Variants in GLRA3 observed in about 807,000 individuals in gnomAD.
GLRA3 encodes glycine receptor subunit alpha-3.
Under a neutral mutation model 60.4 loss-of-function variants are expected in GLRA3, and 44 were observed. That is an observed-to-expected ratio of 0.73 (90% confidence interval 0.57 to 0.94). The LOEUF is 0.94. GLRA3 is among the 40% of genes least tolerant of loss of function. The pLI, the probability that GLRA3 is intolerant of heterozygous loss-of-function variation, is 0.00. For synonymous variants in GLRA3, 223 were observed against 192.9 expected (o/e 1.16, Z -1.29); for missense variants, 508 against 564.6 (o/e 0.90, Z 1.02).
chr4:174,643,233 A>G lies in GLRA3; in HGVS notation c.*553T>C, dbSNP rs1487286110. ...TATTCCAAATCATTAAAGTCTTTTA[A>G]TGCTCTTATTTAAAAATTTTCAAAA... On this transcript the variant is annotated 3_prime_UTR_variant, in exon 10 of 10. Transcript: ENST00000274093. The G allele has an allele frequency of 1.4e-6, 1 of 710,376 alleles. No homozygotes were observed. The highest frequency in any genetic ancestry group is 6.4e-5 in the Admixed American group (1 of 15,698). The allele number at this position is 710,376 out of a possible 1,614,324, so 44.0% of individuals were successfully genotyped here.
At chr4:174,653,976 A>C (rs2110871833) in intron 9 of GLRA3, among the ~76,000 whole-genome samples, 1 of 152,220 alleles carries the variant, frequency 6.6e-6, no homozygotes, top group Middle Eastern at 3.4e-3. Flanking sequence ...GTCTTATTTG[A>C]GAGGATGCGA....
intron 3 of GLRA3, among the ~76,000 whole-genome samples, chr4:174,746,640 T>G (rs7685430): frequency 5.3e-5 from 8 of 151,998 alleles, no homozygotes; most frequent in African/African-American, 1.7e-4. Flanking sequence ...TCACAGTAAC[T>G]GGAAGAGTTA....
intron 1 of GLRA3, among the ~76,000 whole-genome samples, chr4:174,795,687 T>C (rs1439700025): frequency 6.6e-6 from 1 of 152,182 alleles, no homozygotes; most frequent in Non-Finnish European, 1.5e-5. Context: ...ATTGCAAAAA[T>C]GATTTTTGAG....
chr4:174,659,826 G>A (rs1013943467), intron 7 of GLRA3, among the ~76,000 whole-genome samples: 1 of 152,068 alleles, frequency 6.6e-6, no homozygotes, highest in South Asian at 2.1e-4. Flanking sequence ...ACAAAAATTA[G>A]CCGGGTGTGG....
At chr4:174,698,521 G>A (rs1278477741) in intron 5 of GLRA3, among the ~76,000 whole-genome samples, 3 of 152,024 alleles carry the variant, frequency 2.0e-5, no homozygotes, top group Non-Finnish European at 2.9e-5. Context: ...TGATTTTTCA[G>A]TACCACTATT....
At chr4:174,723,367 G>C (rs1736201326) in intron 4 of GLRA3, among the ~76,000 whole-genome samples, 1 of 152,032 alleles carries the variant, frequency 6.6e-6, no homozygotes, top group African/African-American at 2.4e-5. Flanking sequence ...TTGTTAGTAA[G>C]AAGCCTCTCA....
chr4:174,727,152 T>C (rs1454550811), intron 4 of GLRA3, among the ~76,000 whole-genome samples: 1 of 152,138 alleles, frequency 6.6e-6, no homozygotes, highest in African/African-American at 2.4e-5. Flanking sequence ...ACTAGGTAAA[T>C]GTGAAAAGCA....
chr4:174,768,802 C>T (rs1738258058), intron 2 of GLRA3, among the ~76,000 whole-genome samples: 3 of 152,100 alleles, frequency 2.0e-5, no homozygotes, highest in Admixed American at 6.6e-5. Flanking sequence ...CTTTTCCCAC[C>T]ACCTTGTTTA....
At chr4:174,795,943 A>G (rs1396512914) in intron 1 of GLRA3, among the ~76,000 whole-genome samples, 2 of 152,234 alleles carry the variant, frequency 1.3e-5, no homozygotes, top group Admixed American at 1.3e-4. Flanking sequence ...CTACAGATTG[A>G]TGCCTATAAA....
In GLRA3 at chr4:174,657,620, C is replaced by T. The variant is rs148027589; in HGVS notation, c.1072-833G>A. 2.2e-3 allele frequency among the ~76,000 whole-genome samples: 339 copies of T among 151,620 alleles called. 1 individual carries two copies. The highest frequency in any genetic ancestry group is 7.7e-3 in the African/African-American group (320 of 41,354). ...TCGTTGTTCAACCGGTGCCAGTTAT[C>T]ATGAAAGAAAAGATGAGAAAGTAGG... On this transcript the variant is annotated intron_variant, in intron 8 of 9. Transcript: ENST00000274093.
chr4:174,694,289 T>G (rs1579458465), intron 5 of GLRA3, among the ~76,000 whole-genome samples: 1 of 152,306 alleles, frequency 6.6e-6, no homozygotes, highest in South Asian at 2.1e-4. Flanking sequence ...ATATACTTTC[T>G]TCTCTTCACT....
At chr4:174,791,003 C>CAA (rs34671364) in intron 1 of GLRA3, among the ~76,000 whole-genome samples, 14,533 of 107,790 alleles carry the variant, frequency 0.13, 1,071 homozygotes, top group African/African-American at 0.21. Flanking sequence ...GACTCCATCT[C>CAA]AAAAAAAAAA....
intron 9 of GLRA3, among the ~76,000 whole-genome samples, chr4:174,653,174 T>C (rs937644147): frequency 9.9e-5 from 15 of 152,086 alleles, no homozygotes; most frequent in African/African-American, 3.6e-4. Context: ...ATTTATATGG[T>C]TTCAAAATGT....
At chr4:174,647,294 G>C (rs1732859104) in intron 9 of GLRA3, among the ~76,000 whole-genome samples, 1 of 151,820 alleles carries the variant, frequency 6.6e-6, no homozygotes, top group Non-Finnish European at 1.5e-5. Flanking sequence ...TGTGGGCCCA[G>C]CTACTCTGGA....
At chr4:174,700,831 C>G (rs1455187333) in intron 5 of GLRA3, among the ~76,000 whole-genome samples, 1 of 152,150 alleles carries the variant, frequency 6.6e-6, no homozygotes, top group East Asian at 1.9e-4. Context: ...AAATCTACAG[C>G]AAGATCCTAA....
Position 174,705,164 on chromosome 4 carries a change from G to C in GLRA3, c.574+10324C>G, listed in dbSNP as rs777554600. The stretch of plus-strand genomic sequence containing the variant: ...TGCAATTGTAGCAGAGTTAAGAGGC[G>C]AGACCTTTAACAGGAGATTGGGTCA... On this transcript the variant is annotated intron_variant, in intron 5 of 9. Transcript: ENST00000274093. Among the ~76,000 whole-genome samples, 2 of 143,914 alleles carry C rather than the reference G, an allele frequency of 1.4e-5. 1 individual carries two copies. The highest frequency in any genetic ancestry group is 3.1e-5 in the Non-Finnish European group (2 of 64,760). The allele number at this position is 143,914 out of a possible 152,430, so 94.4% of individuals were successfully genotyped here.
chr4:174,650,235 A>G (rs1447862435), intron 9 of GLRA3, among the ~76,000 whole-genome samples: 1 of 152,196 alleles, frequency 6.6e-6, no homozygotes, highest in Non-Finnish European at 1.5e-5. Context: ...TGGCACTGTT[A>G]AAATTTGGCA....
At chr4:174,782,503 A>C (rs965182947) in intron 2 of GLRA3, among the ~76,000 whole-genome samples, 18 of 150,604 alleles carry the variant, frequency 1.2e-4, no homozygotes, top group African/African-American at 4.1e-4. Context: ...AAGGGTATTC[A>C]ATTAGGAAAA....
chr4:174,683,428 G>A (rs1040590861), intron 5 of GLRA3, among the ~76,000 whole-genome samples: 28 of 151,684 alleles, frequency 1.8e-4, no homozygotes, highest in African/African-American at 5.3e-4. Context: ...TCAGCTCACC[G>A]CAACCTCAGC....
Sources: gnomAD v4.1 joint callset for allele counts (sites outside exome capture counted in the v4.1 genomes callset) on GRCh38, gnomAD v4.1.1 for gene constraint, MANE v1.5 for transcripts, NCBI Gene and HGNC (gene_info 2026-07-23, HGNC 2026-07-21) for gene names.